SORCS2: variants seen among roughly 807,000 people sequenced by gnomAD.
SORCS2 encodes VPS10 domain-containing receptor SorCS2.
Under a neutral mutation model 141.6 loss-of-function variants are expected in SORCS2, and 100 were observed. The ratio of observed to expected loss-of-function variants is 0.71; its 90% CI spans 0.60 to 0.83. The LOEUF is 0.83. Among genes scored for constraint, SORCS2 ranks in the 40% least tolerant of loss-of-function variants. The pLI is 0.00. For synonymous variants in SORCS2, 789 were observed against 676.9 expected (o/e 1.17, Z -2.57); for missense variants, 1,646 against 1,560.2 (o/e 1.05, Z -0.93).
intron 9 of SORCS2, among the ~76,000 whole-genome samples, chr4:7,679,408 A>G (rs960521870): frequency 4.6e-5 from 7 of 152,248 alleles, no homozygotes; most frequent in African/African-American, 1.4e-4. Flanking sequence ...AGGCCCTGCA[A>G]TGTGACCTTA....
intron 1 of SORCS2, among the ~76,000 whole-genome samples, chr4:7,208,960 G>A (rs1397281578): frequency 6.6e-6 from 1 of 152,200 alleles, no homozygotes; most frequent in Non-Finnish European, 1.5e-5. Context: ...AGACAGCCTG[G>A]CCTGCCTCAG....
At chr4:7,701,902 C>G (rs924156680) in intron 12 of SORCS2, among the ~76,000 whole-genome samples, 4 of 152,186 alleles carry the variant, frequency 2.6e-5, no homozygotes, top group African/African-American at 9.7e-5. Flanking sequence ...ACCCCCAGCC[C>G]AGCCCCCTGG....
intron 1 of SORCS2, among the ~76,000 whole-genome samples, chr4:7,277,961 T>A (rs1399166767): frequency 2.0e-5 from 3 of 152,136 alleles, no homozygotes; most frequent in African/African-American, 7.2e-5. Flanking sequence ...CAGGGGAGTG[T>A]CTGAGCACGT....
intron 1 of SORCS2, among the ~76,000 whole-genome samples, chr4:7,342,128 G>A (rs1010587303): frequency 2.6e-5 from 4 of 152,124 alleles, no homozygotes; most frequent in Admixed American, 1.3e-4. Context: ...TGTCCATCTC[G>A]GGTATTTGGG....
chr4:7,278,170 A>G (rs4689676), intron 1 of SORCS2, among the ~76,000 whole-genome samples: 81,616 of 151,992 alleles, frequency 0.54, 22,173 homozygotes, highest in Admixed American at 0.58. Flanking sequence ...TGGGCCCAGC[A>G]GGAGCTGTGT....
At chr4:7,264,395 T>C (rs1714574902) in intron 1 of SORCS2, among the ~76,000 whole-genome samples, 1 of 152,026 alleles carries the variant, frequency 6.6e-6, no homozygotes, top group Non-Finnish European at 1.5e-5. Context: ...ATGGGATGAG[T>C]GACTGCAGGT....
intron 3 of SORCS2, among the ~76,000 whole-genome samples, chr4:7,559,068 G>C (rs1714340640): frequency 6.6e-6 from 1 of 152,150 alleles, no homozygotes; most frequent in South Asian, 2.1e-4. Context: ...CTCTTGTTGG[G>C]GGATGAGTCC....
chr4:7,302,508 A>G (rs139973856), intron 1 of SORCS2, among the ~76,000 whole-genome samples: 375 of 152,272 alleles, frequency 2.5e-3, no homozygotes, highest in African/African-American at 8.7e-3. Flanking sequence ...CGGGAGCTGC[A>G]CGGTCCCCAC....
chr4:7,364,937 T>C (rs1046896041), intron 1 of SORCS2, among the ~76,000 whole-genome samples: 1 of 152,216 alleles, frequency 6.6e-6, no homozygotes, highest in Non-Finnish European at 1.5e-5. Context: ...CTCTGCCACA[T>C]CCCAGCTGGG....
chr4:7,562,021 T>C (rs1714627848), intron 3 of SORCS2, among the ~76,000 whole-genome samples: 1 of 152,362 alleles, frequency 6.6e-6, no homozygotes, highest in South Asian at 2.1e-4. Flanking sequence ...ACTTGATCTG[T>C]ACAAAGCACT....
intron 2 of SORCS2, among the ~76,000 whole-genome samples, chr4:7,463,169 G>C (rs1365829790): frequency 6.6e-6 from 1 of 152,158 alleles, no homozygotes; most frequent in Non-Finnish European, 1.5e-5. Context: ...CCCGAAGCCT[G>C]GTGCTGACCA....
chr4:7,227,067 A>G (rs540177585), intron 1 of SORCS2, among the ~76,000 whole-genome samples: 4 of 152,150 alleles, frequency 2.6e-5, no homozygotes, highest in African/African-American at 9.6e-5. Flanking sequence ...GGGTACTCTT[A>G]TGCACCTGTG....
intron 2 of SORCS2, among the ~76,000 whole-genome samples, chr4:7,516,375 C>A (rs1291281826): frequency 2.0e-5 from 3 of 152,168 alleles, no homozygotes; most frequent in African/African-American, 7.2e-5. Flanking sequence ...TCCCTCCCAT[C>A]TGGCCTGTTG....
At chr4:7,690,678 A>G (rs1373066350) in intron 11 of SORCS2, among the ~76,000 whole-genome samples, 1 of 152,060 alleles carries the variant, frequency 6.6e-6, no homozygotes, top group Non-Finnish European at 1.5e-5. Flanking sequence ...GGATGGATGG[A>G]TGACGAATGA....
chr4:7,579,119 C>T lies in SORCS2; in HGVS notation c.648+47490C>T, dbSNP rs998945370. 2.1e-4 allele frequency among the ~76,000 whole-genome samples: 32 copies of T among 152,160 alleles called. 1 individual carries two copies. Among genetic ancestry groups the T allele is most frequent in the Admixed American group, 1.3e-4 (2 of 15,278 alleles). ...ACCCCCAACACAAACCCATCAATCC[C>T]CAGACTCACACTTGGGGCTGCCTTG... On this transcript the variant is annotated intron_variant, in intron 3 of 26. Transcript: ENST00000507866.
intron 2 of SORCS2, chr4:7,433,134 TGCG>T: frequency 1.8e-6 from 1 of 559,200 alleles, no homozygotes. Context: ...GGCAAAGCTG[TGCG>T]GCACCGTTGT....
chr4:7,398,776 C>T (rs567934310), intron 2 of SORCS2, among the ~76,000 whole-genome samples: 1 of 152,276 alleles, frequency 6.6e-6, no homozygotes, highest in East Asian at 1.9e-4. Flanking sequence ...GGAGTTGGTT[C>T]ACTCTAATAC....
chr4:7,528,915 C>G (rs1397915814), intron 2 of SORCS2, among the ~76,000 whole-genome samples: 1 of 152,182 alleles, frequency 6.6e-6, no homozygotes, highest in African/African-American at 2.4e-5. Context: ...TGCCCAGGTC[C>G]TTGGTACCCT....
intron 7 of SORCS2, among the ~76,000 whole-genome samples, chr4:7,665,733 T>A (rs75348643): frequency 6.6e-6 from 1 of 152,156 alleles, no homozygotes; most frequent in Non-Finnish European, 1.5e-5. Context: ...CTTTCCCAGC[T>A]CCTAGCATTG....
Sources: gnomAD v4.1 joint callset for allele counts (sites outside exome capture counted in the v4.1 genomes callset) on GRCh38, gnomAD v4.1.1 for gene constraint, MANE v1.5 for transcripts, NCBI Gene and HGNC (gene_info 2026-07-23, HGNC 2026-07-21) for gene names.